RSF1: variants seen among roughly 807,000 people sequenced by gnomAD.
RSF1 encodes the protein remodeling and spacing factor 1, also known as HBV pX-associated protein 8.
A neutral mutation model predicts 145.2 loss-of-function variants in RSF1; 13 were observed. That is an observed-to-expected ratio of 0.09 (90% CI 0.06 to 0.14). The LOEUF is 0.14. Ranked by LOEUF, RSF1 falls within the 10% of genes least tolerant of loss-of-function variation. The pLI is 1.00. For missense variants in RSF1, 1,517 were observed against 1,718.2 expected (o/e 0.88, Z 2.07); for synonymous variants, 577 against 592.6 (o/e 0.97, Z 0.38).
At chr11:77,768,125 T>C (rs1344162405) in intron 1 of RSF1, among the ~76,000 whole-genome samples, 1 of 151,296 alleles carries the variant, frequency 6.6e-6, no homozygotes, top group South Asian at 2.1e-4. Flanking sequence ...TTTTATTTAA[T>C]GCCCTTCATC....
chr11:77,735,200 G>A (rs1427301466), intron 4 of RSF1, among the ~76,000 whole-genome samples: 1 of 152,166 alleles, frequency 6.6e-6, no homozygotes, highest in Non-Finnish European at 1.5e-5. Flanking sequence ...TGTTGAAGCA[G>A]GAAACCCCGA....
intron 1 of RSF1, among the ~76,000 whole-genome samples, chr11:77,814,073 G>A (rs916591694): frequency 2.0e-5 from 3 of 151,892 alleles, no homozygotes; most frequent in African/African-American, 7.3e-5. Flanking sequence ...GGTGGTGCAT[G>A]CCTGTAATCC....
At chr11:77,724,191 T>C (rs1051592777) in intron 5 of RSF1, among the ~76,000 whole-genome samples, 1 of 152,210 alleles carries the variant, frequency 6.6e-6, no homozygotes, top group Non-Finnish European at 1.5e-5. Flanking sequence ...AACTAATAAT[T>C]ACAATGAGAT....
chr11:77,750,522 C>T (rs754646469), intron 2 of RSF1, among the ~76,000 whole-genome samples: 11 of 152,156 alleles, frequency 7.2e-5, no homozygotes, highest in Non-Finnish European at 1.3e-4. Context: ...CCATTCTTAG[C>T]TTTTTGAGAC....
the RSF1 span, among the ~76,000 whole-genome samples, chr11:77,834,659 T>C: frequency 4.6e-5 from 7 of 152,022 alleles, no homozygotes; most frequent in African/African-American, 1.7e-4. Context: ...AGGTGATCCA[T>C]CCACCTTGGC....
intron 1 of RSF1, among the ~76,000 whole-genome samples, chr11:77,782,882 G>A (rs1228873646): frequency 6.6e-6 from 1 of 152,088 alleles, no homozygotes; most frequent in Non-Finnish European, 1.5e-5. Flanking sequence ...GAAAAACTTG[G>A]CTAACCCCAA....
At chr11:77,835,290 C>T in the RSF1 span, among the ~76,000 whole-genome samples, 2 of 152,098 alleles carry the variant, frequency 1.3e-5, no homozygotes, top group Admixed American at 6.6e-5. Context: ...TGGATGTGAT[C>T]GCCAGAGCTC....
At chr11:77,688,174 C>A (rs529401838) in intron 9 of RSF1, among the ~76,000 whole-genome samples, 1 of 152,294 alleles carries the variant, frequency 6.6e-6, no homozygotes, top group South Asian at 2.1e-4. Context: ...TGCCTGTAAT[C>A]CCAGCTACTC....
chr11:77,685,294 ATTAT>A (rs528708029), intron 9 of RSF1, 135 bp from the exon 10 acceptor site: 127 of 456,094 alleles, frequency 2.8e-4, no homozygotes, highest in South Asian at 3.6e-4. Flanking sequence ...AATGTTAGCT[ATTAT>A]TTATTTATTT....
upstream of RSF1, among the ~76,000 whole-genome samples, chr11:77,823,009 A>G (rs1209080290): frequency 2.0e-5 from 3 of 152,064 alleles, no homozygotes; most frequent in African/African-American, 7.2e-5. Context: ...AGGTCAGGAG[A>G]TCAAGACCAT....
chr11:77,698,648 C>T lies in RSF1; in HGVS notation c.2554G>A (p.Gly852Ser). The T allele has an allele frequency of 6.2e-7, 1 of 1,614,044 alleles. No individual in the cohort carries two copies. The highest frequency in any genetic ancestry group is 8.5e-7 in the Non-Finnish European group (1 of 1,180,016). The change falls in exon 7 of 16, where the codon GGC (glycine) becomes AGC (serine). Residue 852 changes from glycine to serine, a missense_variant. By Grantham distance (56) the Gly-to-Ser change is moderately conservative. Transcript: ENST00000308488. ...TCATTGCTGGAATATTTCCATCTGC[C>T]ACGTGTCCGAGAACCAGTCCATCGA... Reference protein sequence around the residue: ...KVRWTGSRTRGRWKYSSNDES... With the variant: ...KVRWTGSRTRSRWKYSSNDES...
intron 1 of RSF1, among the ~76,000 whole-genome samples, chr11:77,788,667 C>T (rs1349645090): frequency 6.6e-6 from 1 of 151,916 alleles, no homozygotes; most frequent in African/African-American, 2.4e-5. Context: ...AATTTATATG[C>T]TACAAATCCC....
At chr11:77,795,312 A>T (rs1948561525) in intron 1 of RSF1, among the ~76,000 whole-genome samples, 1 of 152,212 alleles carries the variant, frequency 6.6e-6, no homozygotes, top group South Asian at 2.1e-4. Flanking sequence ...GAAAATACTA[A>T]GATCAGTTTT....
rs1298923637 is a variant in RSF1 at position 77,813,480 on chromosome 11, T to C, written c.187+7048A>G. 1.5e-5 allele frequency: 15 copies of C among 980,414 alleles called. 2 individuals carry two copies. In the South Asian group the frequency reaches 1.9e-4, roughly 12 times the overall value. The allele number at this position is 980,414 out of a possible 1,614,324, so 60.7% of individuals were successfully genotyped here. A position where few individuals can be genotyped will look rare whatever the true frequency, so the allele number is the denominator to read the frequency against. ...TAGAACCTTCACCACAAGGACTTTT[T>C]CTGTAGTGATTCTCAAAGTCTTGGT... is the stretch of plus-strand genomic sequence containing the variant. On this transcript the variant is annotated intron_variant, in intron 1 of 15. Transcript: ENST00000308488.
Position 77,818,393 on chromosome 11 carries a change from A to G in RSF1, c.187+2135T>C, listed in dbSNP as rs76954006. Among the ~76,000 whole-genome samples the G allele has an allele frequency of 7.4e-4, 113 of 152,334 alleles. No individual in the cohort carries two copies. The East Asian group carries it at 0.021, about 28-fold the overall frequency. On this transcript the variant is annotated intron_variant, in intron 1 of 15. Transcript: ENST00000308488. ...CTAGCCATCCTTTCCCCAAATGCCC[A>G]CAGTTCGTTCTCTGAGAGATACATT...
Position 77,693,647 on chromosome 11 carries a change from C to A in RSF1, c.2716-36G>T, listed in dbSNP as rs747717396. On this transcript the variant is annotated intron_variant, in intron 7 of 15. Coordinates refer to ENST00000308488, the MANE Select transcript of RSF1 (RefSeq NM_016578.4). The stretch of plus-strand genomic sequence containing the variant: ...CACACTGATGTCAACCTAACTATGA[C>A]TAAAATTCAATGACTCTTAGGTTAA... The A allele has an allele frequency of 2.1e-6, 3 of 1,463,012 alleles. No individual in the cohort carries two copies. The East Asian group carries it at 6.8e-5, about 33-fold the overall frequency. The allele number at this position is 1,463,012 out of a possible 1,614,324, so 90.6% of individuals were successfully genotyped here.
At chr11:77,699,468 A>G (rs1345667707) in intron 6 of RSF1, among the ~76,000 whole-genome samples, 1 of 152,214 alleles carries the variant, frequency 6.6e-6, no homozygotes, top group Non-Finnish European at 1.5e-5. Context: ...ATCACTTACA[A>G]TGAAGAATGA....
intron 4 of RSF1, chr11:77,734,476 T>C (rs749830896): frequency 2.4e-5 from 38 of 1,586,898 alleles, no homozygotes; most frequent in Middle Eastern, 2.3e-4. Context: ...AGCCGAGGCT[T>C]AGCTTTCATT....
chr11:77,681,492 A>T lies in RSF1; in HGVS notation c.3065+2218T>A, dbSNP rs182687606. 1.1e-3 allele frequency among the ~76,000 whole-genome samples: 161 copies of T among 151,666 alleles called. 2 individuals are homozygous for T. Among genetic ancestry groups the T allele is most frequent in the Non-Finnish European group, 3.7e-4 (25 of 67,906 alleles). On this transcript the variant is annotated intron_variant, in intron 11 of 15. Coordinates refer to ENST00000308488, the MANE Select transcript of RSF1 (RefSeq NM_016578.4). ...ACAGAGTCTCTCTATGATGCCCAGG[A>T]TGGTCTTGAACTTTTGGGCTGAAAC...
Sources: allele counts gnomAD v4.1 joint callset (sites outside exome capture counted in the v4.1 genomes callset), GRCh38; gene constraint gnomAD v4.1.1; transcripts MANE v1.5; gene names NCBI Gene and HGNC (gene_info 2026-07-23, HGNC 2026-07-21).